Variants in LSM12 observed in about 807,000 individuals in gnomAD.
LSM12 encodes LSM12 homolog, also known as protein LSM12.
For missense variants in LSM12, 108 were observed against 238.9 expected (o/e 0.45, Z 3.61); for synonymous variants, 74 against 87.3 (o/e 0.85, Z 0.85).
chr17:44,042,323 C>G (rs1040048333), intron 2 of LSM12, among the ~76,000 whole-genome samples: 3 of 152,056 alleles, frequency 2.0e-5, no homozygotes, highest in Non-Finnish European at 4.4e-5. Context: ...ACAGCATATT[C>G]CAAAAGTACC....
intron 2 of LSM12, among the ~76,000 whole-genome samples, chr17:44,062,813 A>G (rs2049816098): frequency 6.6e-6 from 1 of 152,032 alleles, no homozygotes; most frequent in South Asian, 2.1e-4. Flanking sequence ...GCCTGAGCTC[A>G]GGAGTTCAAG....
At chr17:44,065,162 C>T (rs1177739484) in intron 1 of LSM12, among the ~76,000 whole-genome samples, 4 of 151,448 alleles carry the variant, frequency 2.6e-5, no homozygotes, top group East Asian at 1.9e-4. Context: ...AAAAGCCGGG[C>T]GGTGGCTCAG....
intron 2 of LSM12, among the ~76,000 whole-genome samples, chr17:44,059,999 C>A (rs571581464): frequency 1.3e-4 from 19 of 151,992 alleles, no homozygotes; most frequent in Non-Finnish European, 2.5e-4. Flanking sequence ...CCCGTCTCTA[C>A]TAAAAATACA....
intron 2 of LSM12, among the ~76,000 whole-genome samples, chr17:44,040,835 A>AAT (rs35280907): frequency 6.7e-6 from 1 of 150,236 alleles, no homozygotes; most frequent in Admixed American, 6.7e-5. Flanking sequence ...AAAAAAAAAA[A>AAT]TTAGCCAGGC....
At chr17:44,051,475 C>T (rs528305839) in intron 2 of LSM12, among the ~76,000 whole-genome samples, 27 of 150,436 alleles carry the variant, frequency 1.8e-4, no homozygotes, top group Non-Finnish European at 3.2e-4. Context: ...CTAGCTTGTG[C>T]CTGGGGGGAG....
intron 1 of LSM12, 38 bp downstream of exon 1, chr17:44,066,426 C>G (rs1441084610): frequency 3.9e-6 from 6 of 1,539,182 alleles, no homozygotes; most frequent in Non-Finnish European, 5.2e-6. Context: ...CGCACCTACA[C>G]GCCGGCCCGG....
intron 2 of LSM12, among the ~76,000 whole-genome samples, chr17:44,063,439 T>C (rs1475214820): frequency 2.0e-5 from 3 of 151,988 alleles, no homozygotes; most frequent in Non-Finnish European, 4.4e-5. Context: ...AGAAAATGCA[T>C]ATATTCACGT....
chr17:44,066,789 AGCT>A (rs1202413820), upstream of LSM12: 2 of 565,346 alleles, frequency 3.5e-6, no homozygotes, highest in Non-Finnish European at 5.1e-6. Flanking sequence ...GTATTTGTAT[AGCT>A]GCGTCCGCTC....
chr17:44,062,986 C>A (rs374572763), intron 2 of LSM12, among the ~76,000 whole-genome samples: 7 of 152,176 alleles, frequency 4.6e-5, no homozygotes, highest in African/African-American at 1.4e-4. Context: ...ACGAGAATCA[C>A]TTAACCTGGG....
At chr17:44,054,122 G>A (rs1291788900) in intron 2 of LSM12, among the ~76,000 whole-genome samples, 1 of 152,076 alleles carries the variant, frequency 6.6e-6, no homozygotes, top group Non-Finnish European at 1.5e-5. Flanking sequence ...GTCCTATAAG[G>A]CCAAGAAGGT....
chr17:44,061,640 T>C (rs1209804366), intron 2 of LSM12, among the ~76,000 whole-genome samples: 1 of 152,218 alleles, frequency 6.6e-6, no homozygotes, highest in Non-Finnish European at 1.5e-5. Flanking sequence ...ATTATTTTAG[T>C]TGCCTAAGTG....
chr17:44,045,386 T>C (rs1169688983), intron 2 of LSM12, among the ~76,000 whole-genome samples: 2 of 152,196 alleles, frequency 1.3e-5, no homozygotes, highest in Admixed American at 6.5e-5. Flanking sequence ...AATGATACAA[T>C]GTGTTGACTT....
rs920417968 is a variant in LSM12 at position 44,065,163 on chromosome 17, G to A, written c.125-1229C>T. 3.3e-5 allele frequency among the ~76,000 whole-genome samples: 5 copies of A among 151,762 alleles called. 1 individual carries two copies. Among genetic ancestry groups the A allele is most frequent in the African/African-American group, 7.3e-5 (3 of 41,304 alleles). On this transcript the variant is annotated intron_variant, in intron 1 of 4. Coordinates refer to ENST00000293406, the MANE Select transcript of LSM12 (RefSeq NM_001371445.1). ...AACACAACAAAAAAAAAAGCCGGGC[G>A]GTGGCTCAGGCCTGTAATCCCAGCA... is the stretch of plus-strand genomic sequence containing the variant.
chr17:44,047,022 G>A (rs748554932), intron 2 of LSM12, among the ~76,000 whole-genome samples: 3 of 151,858 alleles, frequency 2.0e-5, no homozygotes, highest in African/African-American at 4.8e-5. Flanking sequence ...AAGCCACAGC[G>A]CCCGGCCCTA....
intron 2 of LSM12, among the ~76,000 whole-genome samples, chr17:44,057,212 C>T (rs1267107112): frequency 8.1e-5 from 12 of 148,884 alleles, no homozygotes; most frequent in Admixed American, 4.0e-4. Context: ...TGCAGTGGCG[C>T]GATCTCAGCT....
chr17:44,063,253 T>C (rs2049823749), intron 2 of LSM12, among the ~76,000 whole-genome samples: 2 of 152,142 alleles, frequency 1.3e-5, no homozygotes, highest in Admixed American at 6.6e-5. Context: ...AAAAGTGACT[T>C]GGGGGTTCCC....
intron 2 of LSM12, among the ~76,000 whole-genome samples, chr17:44,050,846 T>C (rs968807302): frequency 1.3e-5 from 2 of 152,114 alleles, no homozygotes; most frequent in Non-Finnish European, 2.9e-5. Flanking sequence ...AATAAAATAC[T>C]GTTCCTGGAC....
intron 2 of LSM12, among the ~76,000 whole-genome samples, chr17:44,047,714 C>G (rs1400936347): frequency 6.6e-6 from 1 of 151,650 alleles, no homozygotes; most frequent in Non-Finnish European, 1.5e-5. Flanking sequence ...AAGCAAGGAC[C>G]ACTATGCCTG....
chr17:44,058,894 G>C (rs73306683), intron 2 of LSM12, among the ~76,000 whole-genome samples: 1,895 of 152,038 alleles, frequency 0.012, 39 homozygotes, highest in African/African-American at 0.043. Flanking sequence ...CAGCTACTTG[G>C]GAGGCGAGGT....
Sources: gnomAD v4.1 joint callset for allele counts (sites outside exome capture counted in the v4.1 genomes callset) on GRCh38, gnomAD v4.1.1 for gene constraint, MANE v1.5 for transcripts, NCBI Gene and HGNC (gene_info 2026-07-23, HGNC 2026-07-21) for gene names.